FAM149B1: variants seen among roughly 807,000 people sequenced by gnomAD.
FAM149B1 encodes the protein primary cilium assembly protein FAM149B1.
In FAM149B1, 56 loss-of-function variants were observed where a neutral mutation model predicts 75.3. The observed-to-expected ratio is 0.74, with a 90% CI of 0.60 to 0.93. FAM149B1 has a LOEUF of 0.93. Among genes scored for constraint, FAM149B1 ranks in the 40% least tolerant of loss-of-function variants. FAM149B1 has a pLI of 0.00. For synonymous variants in FAM149B1, 259 were observed against 256.1 expected (o/e 1.01, Z -0.11); for missense variants, 639 against 708.4 (o/e 0.90, Z 1.11).
chr10:73,231,845 A>C (rs2043708067), intron 9 of FAM149B1, among the ~76,000 whole-genome samples: 1 of 152,084 alleles, frequency 6.6e-6, no homozygotes, highest in Admixed American at 6.6e-5. Context: ...CAAATCCAGA[A>C]GTTCATAGAA....
chr10:73,243,889 T>G lies in FAM149B1; in HGVS notation c.*2870T>G, dbSNP rs762937556. 18 of 1,614,154 alleles carry G rather than the reference T, an allele frequency of 1.1e-5. No individual in the cohort carries two copies. In the South Asian group the frequency reaches 1.4e-4, roughly 13 times the overall value. The stretch of plus-strand genomic sequence containing the variant: ...ATCCACGCCTTCATCAAGCCCCAAC[T>G]CCTTTCTGCTCATTTCTGCTTCTTT... On this transcript the variant is annotated 3_prime_UTR_variant, in exon 14 of 14. Transcript: ENST00000242505.
intron 13 of FAM149B1, among the ~76,000 whole-genome samples, chr10:73,240,725 A>AG: frequency 6.6e-6 from 1 of 152,180 alleles, no homozygotes; most frequent in African/African-American, 2.4e-5. Context: ...AAAAAAAAAA[A>AG]AAAACCTCAG....
intron 11 of FAM149B1, 120 bp from the exon 12 acceptor site, chr10:73,235,073 A>G (rs745995251): frequency 1.4e-6 from 2 of 1,449,462 alleles, no homozygotes; most frequent in Non-Finnish European, 1.9e-6. Context: ...CTAATTTATG[A>G]CGTGGAATTG....
At chr10:73,175,014 C>T (rs961747858) in intron 2 of FAM149B1, among the ~76,000 whole-genome samples, 7 of 151,974 alleles carry the variant, frequency 4.6e-5, no homozygotes, top group South Asian at 2.1e-4. Context: ...GTTAAGAACA[C>T]GGATAATCTG....
Position 73,168,324 on chromosome 10 carries a change from G to A in FAM149B1, c.-16G>A, listed in dbSNP as rs1280655081. The A allele has an allele frequency of 6.5e-7, 1 of 1,549,118 alleles. No homozygotes were observed. The highest frequency in any genetic ancestry group is 2.0e-5 in the Admixed American group (1 of 50,966). On this transcript the variant is annotated 5_prime_UTR_variant, in exon 1 of 14. Transcript: ENST00000242505. ...GGCCGCGGCTGAGGAGGAGGAGGAG[G>A]AGGAGGAGGAGGAGGATGATCTCCA...
intron 2 of FAM149B1, among the ~76,000 whole-genome samples, chr10:73,175,263 C>T (rs1843899120): frequency 6.6e-6 from 1 of 152,106 alleles, no homozygotes; most frequent in East Asian, 1.9e-4. Flanking sequence ...CCAGCTACTA[C>T]AGAAGCTGAC....
chr10:73,181,149 G>C (rs2042387975), intron 3 of FAM149B1, among the ~76,000 whole-genome samples: 1 of 152,032 alleles, frequency 6.6e-6, no homozygotes, highest in Non-Finnish European at 1.5e-5. Context: ...TGGGACTACA[G>C]GTGCCTGCTA....
chr10:73,188,797 G>GGAAGGAAGGAAA (rs1217638308), intron 3 of FAM149B1, among the ~76,000 whole-genome samples: 1 of 139,656 alleles, frequency 7.2e-6, no homozygotes, highest in African/African-American at 2.8e-5. Flanking sequence ...AAGGAAGGAA[G>GGAAGGAAGGAAA]GAAGGAAGGA....
intron 5 of FAM149B1, among the ~76,000 whole-genome samples, chr10:73,193,961 C>G (rs114124890): frequency 2.0e-5 from 3 of 152,164 alleles, no homozygotes; most frequent in African/African-American, 4.8e-5. Context: ...CAAGGCAGTA[C>G]AGGGACTCAC....
chr10:73,170,313 G>T (rs955115842), intron 1 of FAM149B1, among the ~76,000 whole-genome samples: 1 of 152,008 alleles, frequency 6.6e-6, no homozygotes, highest in Non-Finnish European at 1.5e-5. Flanking sequence ...AACCAGCCTG[G>T]GCAACATGGT....
At chr10:73,185,089 A>G (rs2042488691) in intron 3 of FAM149B1, among the ~76,000 whole-genome samples, 1 of 152,232 alleles carries the variant, frequency 6.6e-6, no homozygotes, top group African/African-American at 2.4e-5. Context: ...AATTCAGTAA[A>G]CAATGGCAAC....
chr10:73,202,626 C>T (rs915926383), intron 5 of FAM149B1, among the ~76,000 whole-genome samples: 2 of 151,400 alleles, frequency 1.3e-5, no homozygotes, highest in Non-Finnish European at 2.9e-5. Flanking sequence ...ATCTCCAAAC[C>T]GATTCCCTCC....
chr10:73,206,233 G>A (rs778765706), intron 5 of FAM149B1, among the ~76,000 whole-genome samples: 2 of 152,216 alleles, frequency 1.3e-5, no homozygotes, highest in East Asian at 1.9e-4. Flanking sequence ...GAGTCATGAC[G>A]TAGGGTATTG....
intron 7 of FAM149B1, among the ~76,000 whole-genome samples, chr10:73,213,049 G>A (rs2043221111): frequency 6.6e-6 from 1 of 151,986 alleles, no homozygotes; most frequent in African/African-American, 2.4e-5. Flanking sequence ...GTTTAACCAT[G>A]TTGCCTGGGC....
chr10:73,207,175 C>T (rs2043084058), intron 5 of FAM149B1, among the ~76,000 whole-genome samples: 1 of 152,172 alleles, frequency 6.6e-6, no homozygotes, highest in South Asian at 2.1e-4. Context: ...ACACAATTCC[C>T]ACTGGGGCAC....
chr10:73,240,902 C>T, intron 13 of FAM149B1, 44 bp from the exon 14 acceptor site: 1 of 1,174,012 alleles, frequency 8.5e-7, no homozygotes, highest in East Asian at 2.6e-5. Context: ...GAGTGATTAT[C>T]AAACCTAGAC....
chr10:73,205,769 G>T (rs925382481), intron 5 of FAM149B1, among the ~76,000 whole-genome samples: 1 of 151,996 alleles, frequency 6.6e-6, no homozygotes, highest in Non-Finnish European at 1.5e-5. Context: ...GGCCAGGCTG[G>T]TCTTGAACTC....
At chr10:73,174,522 A>G (rs970007074) in intron 1 of FAM149B1, among the ~76,000 whole-genome samples, 165 bp from the exon 2 acceptor site, 4 of 152,238 alleles carry the variant, frequency 2.6e-5, no homozygotes, top group Admixed American at 2.0e-4. Flanking sequence ...TGTGTTTTAC[A>G]CTTAAAACAC....
At chr10:73,181,291 G>A (rs2042392374) in intron 3 of FAM149B1, among the ~76,000 whole-genome samples, 1 of 152,132 alleles carries the variant, frequency 6.6e-6, no homozygotes, top group Non-Finnish European at 1.5e-5. Flanking sequence ...TTATAGGCGT[G>A]AGCCACCACA....
Sources: gnomAD v4.1 joint callset for allele counts (sites outside exome capture counted in the v4.1 genomes callset) on GRCh38, gnomAD v4.1.1 for gene constraint, MANE v1.5 for transcripts, NCBI Gene and HGNC (gene_info 2026-07-23, HGNC 2026-07-21) for gene names.